STS: variants seen among roughly 807,000 people sequenced by gnomAD.
STS encodes the protein steryl-sulfatase.
STS carries 7 observed loss-of-function variants against 26.8 expected under a neutral mutation model. The ratio of observed to expected loss-of-function variants is 0.26; its 90% CI spans 0.15 to 0.49. The LOEUF (loss-of-function observed/expected upper bound fraction) is 0.49, where lower values mean the gene tolerates loss of function less well. STS is among the 20% of genes least tolerant of loss of function. The pLI is 0.98. For synonymous variants in STS, 199 were observed against 189.4 expected (o/e 1.05, Z -0.42); for missense variants, 434 against 465.6 (o/e 0.93, Z 0.63).
chrX:7,174,670 C>T, intron 1 of STS, among the ~76,000 whole-genome samples: 2 of 111,751 alleles, frequency 1.8e-5, no homozygotes, highest in Middle Eastern at 9.2e-3. Flanking sequence ...TTGCGTTCTT[C>T]AGCATCCCAA....
chrX:7,191,606 G>A (rs937820300), intron 2 of STS, among the ~76,000 whole-genome samples: 6 of 111,718 alleles, frequency 5.4e-5, no homozygotes, highest in African/African-American at 2.0e-4. Context: ...TGGAGTTGAA[G>A]GTTGAGGGTA....
intron 2 of STS, among the ~76,000 whole-genome samples, chrX:7,194,053 C>T (rs1006832294): frequency 2.7e-5 from 3 of 111,107 alleles, no homozygotes; most frequent in East Asian, 2.8e-4. Flanking sequence ...TACAGGCAAG[C>T]GCCACCACGC....
At chrX:7,159,587 C>G (rs1372534952) in intron 1 of STS, among the ~76,000 whole-genome samples, 1 of 112,361 alleles carries the variant, frequency 8.9e-6, no homozygotes, top group Non-Finnish European at 1.9e-5. Flanking sequence ...TGCTGCGCAC[C>G]ATGCAATGCA....
intron 6 of STS, among the ~76,000 whole-genome samples, chrX:7,265,724 A>G (rs777435535): frequency 8.9e-6 from 1 of 112,308 alleles, no homozygotes; most frequent in Admixed American, 9.4e-5. Flanking sequence ...AAATGCTAGC[A>G]TCTTGTACAC....
intron 8 of STS, among the ~76,000 whole-genome samples, chrX:7,313,409 A>C (rs1659512750): frequency 1.8e-5 from 2 of 112,144 alleles, no homozygotes; most frequent in African/African-American, 6.5e-5. Context: ...TCAATAACAC[A>C]GCTTTCTGAG....
chrX:7,214,364 GCCT>G (rs1744307473), intron 2 of STS, among the ~76,000 whole-genome samples: 1 of 111,302 alleles, frequency 9.0e-6, no homozygotes, highest in Non-Finnish European at 1.9e-5. Flanking sequence ...GGTCACAGTG[GCCT>G]TATTGTCTCT....
At chrX:7,209,454 TTAAA>T (rs1345768409) in intron 2 of STS, among the ~76,000 whole-genome samples, 14 of 105,788 alleles carry the variant, frequency 1.3e-4, no homozygotes, top group Admixed American at 3.1e-4. Context: ...ATGTTTTATT[TTAAA>T]TAAATATTTA....
At chrX:7,202,716 G>A (rs1160335347) in intron 2 of STS, among the ~76,000 whole-genome samples, 2 of 111,426 alleles carry the variant, frequency 1.8e-5, no homozygotes, top group Non-Finnish European at 3.8e-5. Flanking sequence ...CATTACTTCT[G>A]GGTGTGTCTG....
rs374513636 is a variant in STS at position 7,305,173 on chromosome X, G to T, written c.1071G>T (p.Gly357=). The change falls in exon 8 of 11, where the codon GGG becomes GGT. Residue 357 remains glycine (G), a synonymous_variant. Transcript: ENST00000674429. The part of the protein sequence containing the change: ...SKGEIHGGSN[G]IYKGGKANNW... Reference sequence around the variant, plus strand: ...GAGAAATTCATGGCGGAAGTAATGGGATCTATAAAGGTGAGAAATGCTGGG... The same window carrying T: ...GAGAAATTCATGGCGGAAGTAATGGTATCTATAAAGGTGAGAAATGCTGGG... 30 of 1,208,841 alleles carry T rather than the reference G, an allele frequency of 2.5e-5. No individual in the cohort carries two copies. The African/African-American group carries it at 3.5e-4, about 14-fold the overall frequency.
At chrX:7,227,448 GTT>G (rs34307828) in intron 2 of STS, among the ~76,000 whole-genome samples, 1 of 91,961 alleles carries the variant, frequency 1.1e-5, no homozygotes, top group African/African-American at 4.0e-5. Flanking sequence ...TCAAATCGTT[GTT>G]TTTTTTTTTT....
chrX:7,242,613 T>C (rs1242721509), intron 2 of STS, among the ~76,000 whole-genome samples: 1 of 110,540 alleles, frequency 9.0e-6, no homozygotes, highest in Non-Finnish European at 1.9e-5. Flanking sequence ...ATAAATAAAT[T>C]AATTAATAAA....
Position 7,284,173 on chromosome X carries a change from T to C in STS, c.943+8086T>C, listed in dbSNP as rs1017180579. The stretch of plus-strand genomic sequence containing the variant: ...TTTGTAAGGAGGAATGTAGAACCAT[T>C]ATGGACTGCTCATTCATTAACTGAG... On this transcript the variant is annotated intron_variant, in intron 7 of 10. Coordinates refer to ENST00000674429, the MANE Select transcript of STS (RefSeq NM_001320752.2). 3.1e-4 allele frequency among the ~76,000 whole-genome samples: 35 copies of C among 112,105 alleles called. 1 individual carries two copies. Among genetic ancestry groups the C allele is most frequent in the African/African-American group, 1.0e-3 (32 of 30,876 alleles).
intron 3 of STS, among the ~76,000 whole-genome samples, chrX:7,254,606 G>A (rs1186323337): frequency 2.2e-5 from 2 of 89,925 alleles, no homozygotes; most frequent in African/African-American, 8.4e-5. Flanking sequence ...TTTTGAGAAG[G>A]AGTTTCACTC....
chrX:7,253,414 C>A, intron 3 of STS, 78 bp downstream of exon 3: 1 of 1,162,346 alleles, frequency 8.6e-7, no homozygotes, highest in African/African-American at 1.8e-5. Context: ...TGTTGATCTA[C>A]AGAGCACAGA....
At chrX:7,229,523 A>G (rs1192779062) in intron 2 of STS, among the ~76,000 whole-genome samples, 2 of 111,052 alleles carry the variant, frequency 1.8e-5, no homozygotes, top group African/African-American at 6.6e-5. Context: ...CCCATGGGGA[A>G]GATTTGGAGT....
At chrX:7,189,642 ATTGT>A (rs1933837217) in intron 1 of STS, among the ~76,000 whole-genome samples, 2 of 112,216 alleles carry the variant, frequency 1.8e-5, no homozygotes, top group South Asian at 7.4e-4. Context: ...CTTGTGGGCC[ATTGT>A]TTGTGCAAAC....
chrX:7,219,174 G>C (rs1471947787), intron 2 of STS, among the ~76,000 whole-genome samples: 1 of 112,001 alleles, frequency 8.9e-6, no homozygotes, highest in Non-Finnish European at 1.9e-5. Context: ...GTATAAGAGA[G>C]GGGGGAAAAT....
chrX:7,298,623 A>G (rs1190634985), intron 7 of STS, among the ~76,000 whole-genome samples: 6 of 111,413 alleles, frequency 5.4e-5, no homozygotes, highest in Non-Finnish European at 1.9e-5. Context: ...TCAGGAGAGC[A>G]TGAGAATAAC....
intron 9 of STS, among the ~76,000 whole-genome samples, chrX:7,329,135 G>A (rs747751221): frequency 5.3e-5 from 6 of 112,444 alleles, no homozygotes; most frequent in Non-Finnish European, 9.4e-5. Context: ...AGTGCCTTAT[G>A]GGAATAGAAT....
Sources: gnomAD v4.1 joint callset for allele counts (sites outside exome capture counted in the v4.1 genomes callset) on GRCh38, gnomAD v4.1.1 for gene constraint, MANE v1.5 for transcripts, NCBI Gene and HGNC (gene_info 2026-07-23, HGNC 2026-07-21) for gene names.